Variants in ULK4 observed in about 807,000 individuals in gnomAD.
ULK4 encodes unc-51 like kinase 4.
Under a neutral mutation model 160.6 loss-of-function variants are expected in ULK4, and 133 were observed. The ratio of observed to expected loss-of-function variants is 0.83; its 90% CI spans 0.72 to 0.96. The LOEUF (loss-of-function observed/expected upper bound fraction) is 0.96. Ranked by LOEUF, ULK4 falls within the 40% of genes least tolerant of loss-of-function variation. ULK4 has a pLI of 0.00. For missense variants in ULK4, 1,580 were observed against 1,499.5 expected (o/e 1.05, Z -0.89); for synonymous variants, 534 against 539.8 (o/e 0.99, Z 0.15).
In ULK4 at chr3:41,852,139, G is replaced by A. The variant is rs142324347; in HGVS notation, c.1657-16168C>T. Among the ~76,000 whole-genome samples the A allele has an allele frequency of 5.5e-3, 831 of 152,222 alleles. 7 individuals carry two copies. Among genetic ancestry groups the A allele is most frequent in the African/African-American group, 0.019 (798 of 41,520 alleles). On this transcript the variant is annotated intron_variant, in intron 17 of 36. Coordinates refer to ENST00000301831, the MANE Select transcript of ULK4 (RefSeq NM_017886.4). Reference sequence around the variant, plus strand: ...CGCAAATAAACTAGAAAATCTAGAAGAAATGGATAAATTCCTCGACACATA... The same window carrying A: ...CGCAAATAAACTAGAAAATCTAGAAAAAATGGATAAATTCCTCGACACATA...
chr3:41,633,743 A>G (rs566807817), intron 30 of ULK4, among the ~76,000 whole-genome samples: 2 of 152,182 alleles, frequency 1.3e-5, no homozygotes, highest in Non-Finnish European at 2.9e-5. Context: ...TAATGAAGTC[A>G]TATCAATAGG....
At position 41,691,982 on chromosome 3, in the gene ULK4, C is replaced by T. The variant is rs919143776; in HGVS notation, c.2782-10178G>A. On this transcript the variant is annotated intron_variant, in intron 27 of 36. Transcript: ENST00000301831. ...TTTTTTTTTTTTTGAGACTGAGTCT[C>T]GCTCTTTCACCCAGGCTGGAGTGCA... Among the ~76,000 whole-genome samples the T allele has an allele frequency of 1.0e-4, 12 of 118,264 alleles. 1 individual carries two copies. Among genetic ancestry groups the T allele is most frequent in the Non-Finnish European group, 2.0e-4 (12 of 61,282 alleles). 77.6% of individuals were successfully genotyped at this position (118,264 alleles called of 152,430 possible).
intron 32 of ULK4, among the ~76,000 whole-genome samples, chr3:41,480,829 G>A (rs941108348): frequency 2.6e-5 from 4 of 152,132 alleles, no homozygotes; most frequent in African/African-American, 9.7e-5. Flanking sequence ...ACATGGCAGT[G>A]GCAAGGAGAA....
At chr3:41,695,717 G>C (rs1010569149) in intron 27 of ULK4, among the ~76,000 whole-genome samples, 1 of 152,092 alleles carries the variant, frequency 6.6e-6, no homozygotes, top group African/African-American at 2.4e-5. Flanking sequence ...AGAGACCGAG[G>C]CCACGAGCTG....
intron 2 of ULK4, among the ~76,000 whole-genome samples, chr3:41,947,706 T>C (rs1700154572): frequency 6.6e-6 from 1 of 152,206 alleles, no homozygotes; most frequent in African/African-American, 2.4e-5. Flanking sequence ...CTGCAAGGTA[T>C]GGGACACAGG....
In ULK4 at chr3:41,954,622, C is replaced by G. The variant is rs1224468492; in HGVS notation, c.138G>C (p.Trp46Cys). 2 of 1,611,968 alleles carry G rather than the reference C, an allele frequency of 1.2e-6. No homozygotes were observed. Residue 46 changes from tryptophan (W) to cysteine (C), a missense_variant and splice_region_variant, in exon 2 of 37, where the codon TGG (tryptophan) becomes TGC (cysteine). Physicochemically the swap from Trp to Cys is radical, Grantham distance 215. Transcript: ENST00000301831. ...DKCKRPEITN[W>C]VRLTREIKHK... is the part of the protein sequence containing the mutation. Reference sequence around the variant, plus strand: ...TGCCAATGGAAATACACTGACTTACCCAGTTGGTTATTTCAGGCCTTTTGC... The same window carrying G: ...TGCCAATGGAAATACACTGACTTACGCAGTTGGTTATTTCAGGCCTTTTGC...
At chr3:41,623,918 A>G (rs1319399944) in intron 30 of ULK4, among the ~76,000 whole-genome samples, 1 of 152,236 alleles carries the variant, frequency 6.6e-6, no homozygotes, top group Non-Finnish European at 1.5e-5. Context: ...ATATCATAAC[A>G]TTACACTCTA....
At chr3:41,441,527 A>C (rs10446460) in intron 34 of ULK4, among the ~76,000 whole-genome samples, 31,837 of 151,946 alleles carry the variant, frequency 0.21, 3,890 homozygotes, top group East Asian at 0.57. Flanking sequence ...TATATTACAA[A>C]ATATATAATA....
At chr3:41,398,000 T>C in intron 35 of ULK4, 79 bp downstream of exon 35, 1 of 1,468,544 alleles carries the variant, frequency 6.8e-7, no homozygotes, top group Non-Finnish European at 9.2e-7. Flanking sequence ...TGAAATTAGG[T>C]CCAAGAAATG....
At chr3:41,887,323 C>G (rs1423052924) in intron 16 of ULK4, among the ~76,000 whole-genome samples, 3 of 152,168 alleles carry the variant, frequency 2.0e-5, no homozygotes, top group African/African-American at 7.2e-5. Flanking sequence ...ACAATTTGTG[C>G]TGAATGAGCA....
intron 35 of ULK4, among the ~76,000 whole-genome samples, chr3:41,353,741 CT>C (rs1559540504): frequency 3.4e-5 from 5 of 147,482 alleles, no homozygotes; most frequent in Admixed American, 2.0e-4. Context: ...ACTACTACTA[CT>C]ACTACTACTA....
At chr3:41,715,849 A>AT (rs60458744) in intron 23 of ULK4, among the ~76,000 whole-genome samples, 49 of 150,414 alleles carry the variant, frequency 3.3e-4, no homozygotes, top group East Asian at 5.8e-4. Flanking sequence ...TAGCTTTAGA[A>AT]TTTTTTTTTT....
chr3:41,852,622 A>G (rs990077023), intron 17 of ULK4, among the ~76,000 whole-genome samples: 1 of 152,192 alleles, frequency 6.6e-6, no homozygotes, highest in South Asian at 2.1e-4. Flanking sequence ...GAAACAGAGA[A>G]AACAGGACAA....
intron 35 of ULK4, among the ~76,000 whole-genome samples, chr3:41,315,056 C>G (rs1267951500): frequency 6.6e-6 from 1 of 152,070 alleles, no homozygotes; most frequent in Non-Finnish European, 1.5e-5. Context: ...TGCAAATTAG[C>G]ATACGTCTTT....
intron 35 of ULK4, among the ~76,000 whole-genome samples, chr3:41,299,332 G>T (rs1330489106): frequency 1.3e-5 from 2 of 152,172 alleles, no homozygotes; most frequent in Non-Finnish European, 2.9e-5. Flanking sequence ...GCTGACCAAG[G>T]ATGCATGAGG....
At chr3:41,819,651 A>T (rs2041081383) in intron 18 of ULK4, 145 bp from the exon 19 acceptor site, 1 of 640,742 alleles carries the variant, frequency 1.6e-6, no homozygotes, top group Non-Finnish European at 2.6e-6. Context: ...TCTGATGATA[A>T]CGACTAGATC....
chr3:41,772,141 C>A (rs901859650), intron 21 of ULK4, among the ~76,000 whole-genome samples: 1 of 151,960 alleles, frequency 6.6e-6, no homozygotes, highest in African/African-American at 2.4e-5. Flanking sequence ...AATTGACACC[C>A]TATCACAATT....
chr3:41,442,159 G>A (rs2083186228), intron 34 of ULK4, among the ~76,000 whole-genome samples: 2 of 152,200 alleles, frequency 1.3e-5, no homozygotes, highest in African/African-American at 4.8e-5. Flanking sequence ...TGGACTGTTA[G>A]CTGATGGGAA....
At chr3:41,590,058 A>C (rs984000203) in intron 31 of ULK4, among the ~76,000 whole-genome samples, 1 of 151,916 alleles carries the variant, frequency 6.6e-6, no homozygotes, top group Non-Finnish European at 1.5e-5. Context: ...GCTGGAGTAC[A>C]GTGGCGCGAT....
Sources: gnomAD v4.1 joint callset for allele counts (sites outside exome capture counted in the v4.1 genomes callset) on GRCh38, gnomAD v4.1.1 for gene constraint, MANE v1.5 for transcripts, NCBI Gene and HGNC (gene_info 2026-07-23, HGNC 2026-07-21) for gene names.